The following OTOP3 variants were observed in gnomAD, a reference collection of about 807,000 sequenced individuals.
OTOP3 encodes proton channel OTOP3.
OTOP3 carries 41 observed loss-of-function variants against 50.8 expected under a neutral mutation model. The observed-to-expected ratio is 0.81, with a 90% CI of 0.63 to 1.05. The LOEUF (loss-of-function observed/expected upper bound fraction) is 1.05. Among genes scored for constraint, OTOP3 ranks in the 50% least tolerant of loss-of-function variants. The pLI is 0.00. For synonymous variants in OTOP3, 320 were observed against 324.4 expected (o/e 0.99, Z 0.14); for missense variants, 788 against 760.8 (o/e 1.04, Z -0.42).
intron 5 of OTOP3, among the ~76,000 whole-genome samples, chr17:74,945,856 G>A (rs1368577036): frequency 2.0e-5 from 3 of 151,984 alleles, no homozygotes; most frequent in African/African-American, 2.4e-5. Context: ...ATGGGAACAC[G>A]GCTCACTGCA....
chr17:74,948,209 A>G (rs979823623), intron 6 of OTOP3, among the ~76,000 whole-genome samples: 1 of 152,166 alleles, frequency 6.6e-6, no homozygotes, highest in Non-Finnish European at 1.5e-5. Flanking sequence ...ACAGGAAGGT[A>G]GGAGGGGGCA....
In OTOP3 at chr17:74,941,945, T is replaced by G; in HGVS notation, c.481T>G (p.Phe161Val). The G allele has an allele frequency of 1.2e-6, 2 of 1,613,024 alleles. No individual in the cohort carries two copies. The highest frequency in any genetic ancestry group is 1.7e-6 in the Non-Finnish European group (2 of 1,179,364). ...FGSCTFCLNI[F>V]RVGYDVSHIR... ...CAGCTGCACCTTCTGCCTCAACATCTTCCGAGTGGGCTACGATGTGAGCCA... is the reference window on the plus strand; with the variant it reads ...CAGCTGCACCTTCTGCCTCAACATCGTCCGAGTGGGCTACGATGTGAGCCA... Residue 161 changes from phenylalanine to valine, a missense_variant, in exon 3 of 7, where the codon TTC (phenylalanine) becomes GTC (valine). By Grantham distance (50) the Phe-to-Val change is conservative. Transcript: ENST00000328801.
Position 74,947,336 on chromosome 17 carries a change from C to T in OTOP3, c.1427C>T (p.Pro476Leu), listed in dbSNP as rs1317227401. The T allele has an allele frequency of 6.2e-7, 1 of 1,613,162 alleles. No homozygotes were observed. Among genetic ancestry groups the T allele is most frequent in the South Asian group, 1.1e-5 (1 of 91,086 alleles). The change falls in exon 6 of 7, where the codon CCC (proline) becomes CTC (leucine). Residue 476 changes from proline to leucine, a missense_variant. Pro to Leu is a moderately conservative substitution (Grantham distance 98). Transcript: ENST00000328801. ...GCAGGAAAGCAGGAGGCTGAGCCTC[C>T]CCGCAGAGGCTCCTTGCTGGAGCTG... ...GLAGKQEAEPPRRGSLLELGQ... is the reference protein window; with the variant it reads ...GLAGKQEAEPLRRGSLLELGQ...
At chr17:74,948,337 A>G (rs2039248976) in intron 6 of OTOP3, among the ~76,000 whole-genome samples, 1 of 152,190 alleles carries the variant, frequency 6.6e-6, no homozygotes, top group African/African-American at 2.4e-5. Flanking sequence ...CAACCTGGGC[A>G]ACACAGGGAG....
At position 74,949,426 on chromosome 17, in the gene OTOP3, C is replaced by T; in HGVS notation, c.*10C>T. 10 of 1,610,344 alleles carry T rather than the reference C, an allele frequency of 6.2e-6. No individual in the cohort carries two copies. The highest frequency in any genetic ancestry group is 8.5e-6 in the Non-Finnish European group (10 of 1,178,580). On this transcript the variant is annotated 3_prime_UTR_variant, in exon 7 of 7. Transcript: ENST00000328801. ...CTACCTGGGGGCCTGAGGCTGCCCA[C>T]CCCCGGCAGAACCTCGAAGTGCCAA...
chr17:74,949,367 A>G lies in OTOP3; in HGVS notation c.1688A>G (p.Tyr563Cys). Reference protein sequence around the residue: ...VNFGLPLGVFYRMHSVGGLVE... With the variant: ...VNFGLPLGVFCRMHSVGGLVE... ...TTCGGCCTGCCTCTGGGGGTCTTCT[A>G]CCGCATGCACTCTGTGGGAGGCCTG... The change falls in exon 7 of 7, where the codon TAC becomes TGC. Residue 563 changes from tyrosine (Y) to cysteine (C), a missense_variant. Physicochemically the swap from Tyr to Cys is radical, Grantham distance 194. Coordinates refer to ENST00000328801, the MANE Select transcript of OTOP3 (RefSeq NM_001272005.2). 6.2e-7 allele frequency: 1 copy of G among 1,613,864 alleles called. No individual in the cohort carries two copies. Among genetic ancestry groups the G allele is most frequent in the Non-Finnish European group, 8.5e-7 (1 of 1,179,970 alleles).
At position 74,949,585 on chromosome 17, in the gene OTOP3, C is replaced by A; in HGVS notation, c.*169C>A. On this transcript the variant is annotated 3_prime_UTR_variant, in exon 7 of 7. Coordinates refer to ENST00000328801, the MANE Select transcript of OTOP3 (RefSeq NM_001272005.2). ...GGAGGGCACTGCCTAGAGCCAGAGGCCAACAGCAGGGGCCTGGACACTGAG... is the reference window on the plus strand; with the variant it reads ...GGAGGGCACTGCCTAGAGCCAGAGGACAACAGCAGGGGCCTGGACACTGAG... 2 of 749,188 alleles carry A rather than the reference C, an allele frequency of 2.7e-6. No individual in the cohort carries two copies. Among genetic ancestry groups the A allele is most frequent in the Non-Finnish European group, 4.2e-6 (2 of 476,362 alleles). 46.4% of individuals were successfully genotyped at this position (749,188 alleles called of 1,614,324 possible).
chr17:74,941,737 G>A lies in OTOP3; in HGVS notation c.364G>A (p.Val122Met). 1.2e-6 allele frequency: 2 copies of A among 1,614,050 alleles called. No homozygotes were observed. The highest frequency in any genetic ancestry group is 1.7e-6 in the Non-Finnish European group (2 of 1,179,980). Residue 122 changes from valine to methionine, a missense_variant, in exon 2 of 7, where the codon GTG becomes ATG. Physicochemically the swap from Val to Met is conservative, Grantham distance 21. Transcript: ENST00000328801. ...VLSLLWLLYY[V>M]ASTTRRPHAV... ...CTCCCTGCTTTGGCTTCTCTACTAT[G>A]TGGCAAGCACCACCCGCCGACCACA... is the stretch of plus-strand genomic sequence containing the variant.
At chr17:74,937,902 C>T (rs2039134492) in intron 1 of OTOP3, among the ~76,000 whole-genome samples, 1 of 152,052 alleles carries the variant, frequency 6.6e-6, no homozygotes, top group Admixed American at 6.6e-5. Flanking sequence ...GGAAGGCTTT[C>T]CAGGTGGGTG....
At chr17:74,946,553 G>T (rs987898943) in intron 5 of OTOP3, 108 bp from the exon 6 acceptor site, 1 of 947,154 alleles carries the variant, frequency 1.1e-6, no homozygotes, top group South Asian at 1.7e-5. Flanking sequence ...CGGCTGGGTC[G>T]CTTTCAGCTC....
Position 74,935,898 on chromosome 17 carries a change from G to T in OTOP3, c.-24G>T. Reference sequence around the variant, plus strand: ...TGGACGGACGATCCGCTCAGCGCCCGCAGTCGGTGGTTAGCCCACGGCGAT... The same window carrying T: ...TGGACGGACGATCCGCTCAGCGCCCTCAGTCGGTGGTTAGCCCACGGCGAT... On this transcript the variant is annotated 5_prime_UTR_variant, in exon 1 of 7. Transcript: ENST00000328801. 6.5e-7 allele frequency: 1 copy of T among 1,547,210 alleles called. No homozygotes were observed. Among genetic ancestry groups the T allele is most frequent in the Non-Finnish European group, 8.7e-7 (1 of 1,146,612 alleles).
intron 1 of OTOP3, among the ~76,000 whole-genome samples, chr17:74,940,886 C>T (rs2144780625): frequency 6.6e-6 from 1 of 152,298 alleles, no homozygotes; most frequent in East Asian, 1.9e-4. Context: ...CCCTACCAAG[C>T]CCAGACACAG....
At chr17:74,936,402 C>G (rs1046604536) in intron 1 of OTOP3, among the ~76,000 whole-genome samples, 1 of 152,196 alleles carries the variant, frequency 6.6e-6, no homozygotes, top group Non-Finnish European at 1.5e-5. Flanking sequence ...CCGGGCCCGA[C>G]GGCTCCGCGG....
At position 74,941,516 on chromosome 17, in the gene OTOP3, A is replaced by C. The variant is rs751209305; in HGVS notation, c.143A>C (p.Lys48Thr). ...GCGGCCGCCACCCGGCCCCGGCAGAAGTCCTGGCTGGTGAGGCATTTCTCT... is the reference window on the plus strand; with the variant it reads ...GCGGCCGCCACCCGGCCCCGGCAGACGTCCTGGCTGGTGAGGCATTTCTCT... ...ERAAATRPRQ[K>T]SWLVRHFSLL... The change falls in exon 2 of 7, where the codon AAG becomes ACG. Residue 48 changes from lysine to threonine, a missense_variant. By Grantham distance (78) the Lys-to-Thr change is moderately conservative. Transcript: ENST00000328801. 12 of 1,613,630 alleles carry C rather than the reference A, an allele frequency of 7.4e-6. No homozygotes were observed. The highest frequency in any genetic ancestry group is 1.0e-5 in the Non-Finnish European group (12 of 1,179,746).
intron 3 of OTOP3, among the ~76,000 whole-genome samples, chr17:74,943,081 C>T (rs763141296): frequency 6.6e-6 from 1 of 152,220 alleles, no homozygotes; most frequent in Non-Finnish European, 1.5e-5. Flanking sequence ...GCTTTTTGGT[C>T]CCTTTTCCCA....
intron 5 of OTOP3, among the ~76,000 whole-genome samples, chr17:74,944,950 CT>C (rs923565859): frequency 3.3e-5 from 5 of 150,992 alleles, no homozygotes; most frequent in South Asian, 4.2e-4. Flanking sequence ...TTCTTTCTTT[CT>C]TTTTTTTTCT....
chr17:74,942,487 C>T (rs768177132), intron 3 of OTOP3, among the ~76,000 whole-genome samples: 16 of 151,638 alleles, frequency 1.1e-4, no homozygotes, highest in Admixed American at 3.3e-4. Flanking sequence ...AAAAATTAGC[C>T]GGGTGTGGTG....
Position 74,949,413 on chromosome 17 carries a change from C to G in OTOP3, c.1734C>G (p.Ala578=). The G allele has an allele frequency of 6.2e-7, 1 of 1,611,840 alleles. No individual in the cohort carries two copies. The highest frequency in any genetic ancestry group is 1.7e-5 in the Admixed American group (1 of 59,922). ...VGGLVEVYLG[A] ...GCCTGGTGGAGGTCTACCTGGGGGC[C>G]TGAGGCTGCCCACCCCCGGCAGAAC... Residue 578 remains alanine (A), a synonymous_variant, in exon 7 of 7, where the codon GCC becomes GCG. Coordinates refer to ENST00000328801, the MANE Select transcript of OTOP3 (RefSeq NM_001272005.2).
chr17:74,943,670 T>C lies in OTOP3; in HGVS notation c.697T>C (p.Ser233Pro). ...GTGGGTTCTGGCCGTTACCAATGAC[T>C]CCATGCACCGAGAGATCGAAGCTGA... ...LLWVLAVTND[S>P]MHREIEAELG... Residue 233 changes from serine to proline, a missense_variant, in exon 5 of 7, where the codon TCC (serine) becomes CCC (proline). Physicochemically the swap from Ser to Pro is moderately conservative, Grantham distance 74. Transcript: ENST00000328801. 6 of 1,611,390 alleles carry C rather than the reference T, an allele frequency of 3.7e-6. No homozygotes were observed. The highest frequency in any genetic ancestry group is 5.1e-6 in the Non-Finnish European group (6 of 1,179,672).
Sources: allele counts gnomAD v4.1 joint callset (sites outside exome capture counted in the v4.1 genomes callset), GRCh38; gene constraint gnomAD v4.1.1; transcripts MANE v1.5; gene names NCBI Gene and HGNC (gene_info 2026-07-23, HGNC 2026-07-21).